PTPRG: variants seen among roughly 807,000 people sequenced by gnomAD.
PTPRG encodes receptor-type tyrosine-protein phosphatase gamma.
PTPRG carries 102 observed loss-of-function variants against 165.3 expected under a neutral mutation model. The ratio of observed to expected loss-of-function variants is 0.62; its 90% CI spans 0.53 to 0.73. The LOEUF is 0.73. Among genes scored for constraint, PTPRG ranks in the 30% least tolerant of loss-of-function variants. The probability of loss-of-function intolerance (pLI) is 0.00; values close to 1 mark genes in which losing one functional copy is unlikely to be tolerated. For missense variants in PTPRG, 1,866 were observed against 1,861.4 expected (o/e 1.00, Z -0.05); for synonymous variants, 675 against 669.5 (o/e 1.01, Z -0.13).
At chr3:62,257,045 T>C (rs1701552484) in intron 16 of PTPRG, among the ~76,000 whole-genome samples, 1 of 152,122 alleles carries the variant, frequency 6.6e-6, no homozygotes, top group Non-Finnish European at 1.5e-5. Context: ...GAAAGGGCTG[T>C]TGTGATTTCA....
chr3:61,961,952 C>T (rs2040162345), intron 2 of PTPRG, among the ~76,000 whole-genome samples: 2 of 152,154 alleles, frequency 1.3e-5, no homozygotes, highest in African/African-American at 2.4e-5. Context: ...TCCCCAGTTA[C>T]AGTTCTTTGC....
In PTPRG at chr3:62,203,548, A is replaced by G; in HGVS notation, c.1753A>G (p.Lys585Glu). 6.4e-7 allele frequency: 1 copy of G among 1,553,230 alleles called. No homozygotes were observed. Among genetic ancestry groups the G allele is most frequent in the Middle Eastern group, 1.7e-4 (1 of 5,998 alleles). ...CACCGAGGAAGGAGAGAAGGATGAGAAAAGCGAGAGTGAGGATGGGGAGCG... is the reference window on the plus strand; with the variant it reads ...CACCGAGGAAGGAGAGAAGGATGAGGAAAGCGAGAGTGAGGATGGGGAGCG... ...EGTEEGEKDEKSESEDGEREH... is the reference protein window; with the variant it reads ...EGTEEGEKDEESESEDGEREH... Residue 585 changes from lysine (K) to glutamate (E), a missense_variant, in exon 12 of 30, where the codon AAA becomes GAA. Around this residue, in one of 3 missense-constraint regions of PTPRG, gnomAD observed 1,452 missense variants for 1,463.0 expected, o/e 0.99. Transcript: ENST00000474889. The surrounding 1 kb of genome is among the most constrained non-coding windows in gnomAD (Gnocchi z 6.4).
chr3:61,775,442 G>T (rs964926221), intron 2 of PTPRG, among the ~76,000 whole-genome samples: 3 of 152,078 alleles, frequency 2.0e-5, no homozygotes, highest in Non-Finnish European at 4.4e-5. Context: ...ATGCAACATG[G>T]CCTGCTTTGG....
chr3:62,196,375 G>T (rs1699964213), intron 10 of PTPRG, among the ~76,000 whole-genome samples: 1 of 151,992 alleles, frequency 6.6e-6, no homozygotes, highest in Non-Finnish European at 1.5e-5. Context: ...TGCACTCCAG[G>T]CTGGGCAACA....
At chr3:61,772,406 A>G (rs1293716677) in intron 2 of PTPRG, among the ~76,000 whole-genome samples, 1 of 151,996 alleles carries the variant, frequency 6.6e-6, no homozygotes, top group African/African-American at 2.4e-5. Context: ...CGTAATGTCT[A>G]ATTTTTGTAT....
In PTPRG at chr3:62,019,872, G is replaced by T. The variant is rs190219375; in HGVS notation, c.519+16375G>T. Among the ~76,000 whole-genome samples the T allele has an allele frequency of 3.3e-5, 5 of 152,206 alleles. No individual in the cohort carries two copies. In the East Asian group the frequency reaches 9.6e-4, roughly 29 times the overall value. ...TGTGTATACTTAGAGTACTTAACAT[G>T]CATTGTGCCATTTAATCATCACTTA... On this transcript the variant is annotated intron_variant, in intron 4 of 29. Coordinates refer to ENST00000474889, the MANE Select transcript of PTPRG (RefSeq NM_002841.4).
At chr3:61,680,138 C>A (rs1038655928) in intron 1 of PTPRG, among the ~76,000 whole-genome samples, 2 of 152,120 alleles carry the variant, frequency 1.3e-5, no homozygotes, top group Non-Finnish European at 2.9e-5. Flanking sequence ...GAAGCCAGAC[C>A]CAAAACGGGC....
chr3:61,783,976 G>A (rs1379673476), intron 2 of PTPRG, among the ~76,000 whole-genome samples: 1 of 152,198 alleles, frequency 6.6e-6, no homozygotes, highest in Non-Finnish European at 1.5e-5. Context: ...CTGAGCATGG[G>A]ATGGGGTCAG....
At chr3:61,913,354 G>C (rs2038850341) in intron 2 of PTPRG, among the ~76,000 whole-genome samples, 1 of 152,144 alleles carries the variant, frequency 6.6e-6, no homozygotes, top group Non-Finnish European at 1.5e-5. Flanking sequence ...CGAGTAGCTG[G>C]GACTACAGGT....
chr3:61,924,789 A>G (rs374414375), intron 2 of PTPRG, among the ~76,000 whole-genome samples: 94 of 152,322 alleles, frequency 6.2e-4, no homozygotes, highest in African/African-American at 1.9e-3. Flanking sequence ...TTGTCATTGT[A>G]GTAAAAAAGC....
chr3:61,703,801 T>C (rs987901840), intron 1 of PTPRG, among the ~76,000 whole-genome samples: 2 of 152,210 alleles, frequency 1.3e-5, no homozygotes, highest in Admixed American at 1.3e-4. Flanking sequence ...CCCAATTCTA[T>C]TATTAATGAA....
chr3:61,753,647 C>T lies in PTPRG; in HGVS notation c.190+4665C>T, dbSNP rs762465524. ...TCACCCAGGCTGGAGTGCAGTGCCT[C>T]GATCTCAGCTCACTGCAACCCCCCA... On this transcript the variant is annotated intron_variant, in intron 2 of 29. Transcript: ENST00000474889. 20 of 427,236 alleles carry T rather than the reference C, an allele frequency of 4.7e-5. 1 individual carries two copies. The highest frequency in any genetic ancestry group is 1.5e-4 in the East Asian group (2 of 13,264). The allele number at this position is 427,236 out of a possible 1,614,324, so 26.5% of individuals were successfully genotyped here.
chr3:61,953,995 T>G (rs182940822), intron 2 of PTPRG, among the ~76,000 whole-genome samples: 2 of 152,188 alleles, frequency 1.3e-5, no homozygotes, highest in African/African-American at 4.8e-5. Context: ...GCTGCAAATA[T>G]GTAGTACTCC....
At chr3:61,752,785 C>CAAAAAAAAAAAAAAAAA (rs749817659) in intron 2 of PTPRG, among the ~76,000 whole-genome samples, 11 of 69,978 alleles carry the variant, frequency 1.6e-4, no homozygotes, top group Admixed American at 4.3e-4. Flanking sequence ...AAGACTGTCT[C>CAAAAAAAAAAAAAAAAA]AAAAAAAAAA....
Position 62,099,189 on chromosome 3 carries a change from C to A in PTPRG, c.615+20931C>A, listed in dbSNP as rs139233029. Among the ~76,000 whole-genome samples the A allele has an allele frequency of 7.4e-3, 1,122 of 152,248 alleles. 14 individuals are homozygous for A. The highest frequency in any genetic ancestry group is 0.026 in the African/African-American group (1,077 of 41,544). ...GAGGAAGATTTGCCTGAATTTGTGA[C>A]TCAGAGTAAAGCAATAAAATCCAGA... On this transcript the variant is annotated intron_variant, in intron 5 of 29. Transcript: ENST00000474889.
chr3:62,092,257 T>A (rs894660730), intron 5 of PTPRG, among the ~76,000 whole-genome samples: 1 of 151,184 alleles, frequency 6.6e-6, no homozygotes, highest in Non-Finnish European at 1.5e-5. Context: ...CCGGCCAACA[T>A]GGTTAAACCC....
At chr3:62,209,352 A>C (rs1431152393) in intron 12 of PTPRG, among the ~76,000 whole-genome samples, 1 of 152,222 alleles carries the variant, frequency 6.6e-6, no homozygotes, top group Non-Finnish European at 1.5e-5. Flanking sequence ...GCCAAGGCCG[A>C]GAACCCCTGA....
intron 2 of PTPRG, among the ~76,000 whole-genome samples, chr3:61,925,322 G>C (rs550374713): frequency 6.6e-6 from 1 of 152,312 alleles, no homozygotes; most frequent in African/African-American, 2.4e-5. Context: ...TTGTCACCTT[G>C]TGGGTCCAAA....
At chr3:61,837,872 C>T (rs1559641100) in intron 2 of PTPRG, among the ~76,000 whole-genome samples, 1 of 152,218 alleles carries the variant, frequency 6.6e-6, no homozygotes, top group Non-Finnish European at 1.5e-5. Context: ...TCTGAGGCCT[C>T]TCCCCTTGGT....
Sources: allele counts gnomAD v4.1 joint callset (sites outside exome capture counted in the v4.1 genomes callset), GRCh38; gene constraint gnomAD v4.1.1; regional missense constraint gnomAD v4.1.1; non-coding constraint Gnocchi (gnomAD v3.1); transcripts MANE v1.5; gene names NCBI Gene and HGNC (gene_info 2026-07-23, HGNC 2026-07-21).